The following SHTN1 variants were observed in gnomAD, a reference collection of about 807,000 sequenced individuals.
SHTN1 encodes shootin 1.
A neutral mutation model predicts 83.1 loss-of-function variants in SHTN1; 42 were observed. The observed-to-expected ratio is 0.51, with a 90% CI of 0.39 to 0.65. The LOEUF (loss-of-function observed/expected upper bound fraction) is 0.65, where lower values mean the gene tolerates loss of function less well. Ranked by LOEUF, SHTN1 falls within the 30% of genes least tolerant of loss-of-function variation. SHTN1 has a pLI of 0.00. For synonymous variants in SHTN1, 224 were observed against 247.7 expected (o/e 0.90, Z 0.90); for missense variants, 622 against 737.8 (o/e 0.84, Z 1.82).
rs940801349 is a variant in SHTN1, at chr10:117,064,212, G to A, written c.-188-15702C>T. On this transcript the variant is annotated intron_variant, in intron 1 of 17. Coordinates refer to the SHTN1 transcript ENST00000392901. Reference sequence around the variant, plus strand: ...CCTCAAAAGTAGATGCTCCAACCATGAGTTTGCTGTGGCTACCAATTGGGC... The same window carrying A: ...CCTCAAAAGTAGATGCTCCAACCATAAGTTTGCTGTGGCTACCAATTGGGC... Among the ~76,000 whole-genome samples the A allele has an allele frequency of 3.3e-5, 5 of 152,332 alleles. No individual in the cohort carries two copies. The South Asian group carries it at 8.3e-4, about 25-fold the overall frequency.
intron 6 of SHTN1, among the ~76,000 whole-genome samples, chr10:116,950,272 C>T (rs929558684): frequency 9.2e-5 from 14 of 152,132 alleles, no homozygotes; most frequent in African/African-American, 3.4e-4. Context: ...TCAAGCAATC[C>T]TCCCACCTCA....
intron 1 of SHTN1, among the ~76,000 whole-genome samples, chr10:117,076,830 C>T (rs1036113568): frequency 6.6e-6 from 1 of 152,162 alleles, no homozygotes; most frequent in Non-Finnish European, 1.5e-5. Context: ...TACACATTAT[C>T]TTCATTAAAG....
intron 4 of SHTN1, among the ~76,000 whole-genome samples, 188 bp downstream of exon 4, chr10:116,959,948 C>T (rs2094892366): frequency 6.6e-6 from 1 of 152,154 alleles, no homozygotes; most frequent in South Asian, 2.1e-4. Flanking sequence ...TTTGGAATAA[C>T]CTTTGCATTA....
chr10:116,902,939 G>C (rs17678487), intron 15 of SHTN1, among the ~76,000 whole-genome samples: 4,431 of 152,276 alleles, frequency 0.029, 105 homozygotes, highest in Non-Finnish European at 0.044. Context: ...TTGGTATTAA[G>C]CTCTGGAATG....
At chr10:116,997,560 A>C (rs1292928910) in intron 1 of SHTN1, among the ~76,000 whole-genome samples, 2 of 152,044 alleles carry the variant, frequency 1.3e-5, no homozygotes, top group African/African-American at 4.8e-5. Flanking sequence ...CTCAATAGGG[A>C]TTTGCTGATA....
chr10:116,974,464 T>C (rs1458164594), intron 2 of SHTN1, among the ~76,000 whole-genome samples: 3 of 152,142 alleles, frequency 2.0e-5, no homozygotes, highest in East Asian at 3.8e-4. Flanking sequence ...GGAAGAAATT[T>C]TAACAATAGA....
At chr10:116,941,109 T>C (rs2133397753) in intron 8 of SHTN1, among the ~76,000 whole-genome samples, 1 of 152,330 alleles carries the variant, frequency 6.6e-6, no homozygotes, top group South Asian at 2.1e-4. Flanking sequence ...TACTATCATC[T>C]AATTTTACTA....
At chr10:116,920,820 G>C (rs1232269840) in intron 12 of SHTN1, among the ~76,000 whole-genome samples, 1 of 151,854 alleles carries the variant, frequency 6.6e-6, no homozygotes, top group East Asian at 1.9e-4. Context: ...TTGGACCTTT[G>C]AATCCACTGC....
At chr10:117,126,129 G>A (rs1181150198) in intron 1 of SHTN1, among the ~76,000 whole-genome samples, 2 of 152,140 alleles carry the variant, frequency 1.3e-5, no homozygotes, top group Non-Finnish European at 2.9e-5. Context: ...CGCTGCCGCC[G>A]CTTGACGTCA....
intron 1 of SHTN1, among the ~76,000 whole-genome samples, chr10:117,093,728 T>C (rs1853467411): frequency 2.6e-5 from 4 of 152,174 alleles, no homozygotes; most frequent in Admixed American, 2.0e-4. Context: ...GGACAATGCA[T>C]TGGAACCACA....
rs1847106118 is a variant in SHTN1 at position 116,884,381 on chromosome 10, G to A, written c.*1963C>T. The A allele has an allele frequency of 7.4e-6, 3 of 407,358 alleles. No individual in the cohort carries two copies. The highest frequency in any genetic ancestry group is 1.5e-5 in the Non-Finnish European group (3 of 197,524). 25.2% of individuals were successfully genotyped at this position (407,358 alleles called of 1,614,324 possible). A position where few individuals can be genotyped will look rare whatever the true frequency, so the allele number is the denominator to read the frequency against. On this transcript the variant is annotated 3_prime_UTR_variant, in exon 17 of 17. Transcript: ENST00000355371. The stretch of plus-strand genomic sequence containing the variant: ...CCTTCATGTCAAATTAATTTAAAAT[G>A]CTTTGTAATCACAGTGAGAGAAAGT...
chr10:117,051,592 GCA>G (rs1852741744), intron 1 of SHTN1, among the ~76,000 whole-genome samples: 1 of 151,838 alleles, frequency 6.6e-6, no homozygotes, highest in South Asian at 2.1e-4. Context: ...TCCCAGGAAT[GCA>G]CAGGTAGTTC....
In SHTN1 at chr10:116,956,931, T is replaced by C. The variant is rs903626093; in HGVS notation, c.268-2721A>G. ...TGAGGGTTTTTTTTGTTTTGTTTTT[T>C]TGGAGATGGGTTCTTGCTCTGTCAC... On this transcript the variant is annotated intron_variant, in intron 4 of 16. Transcript: ENST00000355371. Among the ~76,000 whole-genome samples the C allele has an allele frequency of 3.9e-5, 6 of 152,234 alleles. No individual in the cohort carries two copies. The East Asian group carries it at 7.7e-4, about 20-fold the overall frequency.
At chr10:116,931,743 A>T (rs1848976830) in intron 9 of SHTN1, among the ~76,000 whole-genome samples, 1 of 152,270 alleles carries the variant, frequency 6.6e-6, no homozygotes, top group Non-Finnish European at 1.5e-5. Flanking sequence ...TATGCATAGT[A>T]TGATTCAATT....
chr10:117,108,317 T>C (rs942896680), intron 1 of SHTN1, among the ~76,000 whole-genome samples: 4 of 151,974 alleles, frequency 2.6e-5, no homozygotes, highest in Admixed American at 2.6e-4. Flanking sequence ...CAAATGTCCA[T>C]CAATGATAGA....
chr10:117,086,727 A>G (rs1252954647), intron 1 of SHTN1, among the ~76,000 whole-genome samples: 2 of 152,350 alleles, frequency 1.3e-5, no homozygotes, highest in East Asian at 1.9e-4. Context: ...GAATTATCAT[A>G]TGACTCAGAA....
intron 2 of SHTN1, among the ~76,000 whole-genome samples, chr10:117,026,658 G>A (rs1852336912): frequency 6.6e-6 from 1 of 152,192 alleles, no homozygotes; most frequent in Non-Finnish European, 1.5e-5. Flanking sequence ...CTGACCTCAA[G>A]TGATCCACCT....
chr10:116,938,124 G>A lies in SHTN1; in HGVS notation c.858+2342C>T, dbSNP rs545995760. 9.9e-5 allele frequency among the ~76,000 whole-genome samples: 15 copies of A among 151,704 alleles called. No individual in the cohort carries two copies. The East Asian group carries it at 2.2e-3, about 22-fold the overall frequency. ...GGGTTAGAACATGCTCCTTTAACTCGGAGGAGTTTGTTATTACCAACCTTC... is the reference window on the plus strand; with the variant it reads ...GGGTTAGAACATGCTCCTTTAACTCAGAGGAGTTTGTTATTACCAACCTTC... On this transcript the variant is annotated intron_variant, in intron 9 of 16. Transcript: ENST00000355371.
intron 1 of SHTN1, among the ~76,000 whole-genome samples, chr10:117,001,360 T>C (rs1015502793): frequency 3.9e-5 from 6 of 152,220 alleles, no homozygotes; most frequent in African/African-American, 7.2e-5. Flanking sequence ...GTGTGATTTA[T>C]AAGACATAGA....
Sources: gnomAD v4.1 joint callset for allele counts (sites outside exome capture counted in the v4.1 genomes callset) on GRCh38, gnomAD v4.1.1 for gene constraint, MANE v1.5 for transcripts, NCBI Gene and HGNC (gene_info 2026-07-23, HGNC 2026-07-21) for gene names.